Variants in NKD1 observed in about 807,000 individuals in gnomAD.
The protein encoded by NKD1 is NKD inhibitor of Wnt signaling pathway 1, also known as protein naked cuticle homolog 1.
A neutral mutation model predicts 56.0 loss-of-function variants in NKD1; 21 were observed. The ratio of observed to expected loss-of-function variants is 0.38; its 90% confidence interval spans 0.27 to 0.54. NKD1 has a LOEUF of 0.54. Among genes scored for constraint, NKD1 ranks in the 20% least tolerant of loss-of-function variants. The pLI is 0.82. For synonymous variants in NKD1, 263 were observed against 265.7 expected (o/e 0.99, Z 0.10); for missense variants, 578 against 642.7 (o/e 0.90, Z 1.09).
At chr16:50,612,695 G>A (rs946847365) in intron 4 of NKD1, among the ~76,000 whole-genome samples, 2 of 152,182 alleles carry the variant, frequency 1.3e-5, no homozygotes, top group African/African-American at 2.4e-5. Context: ...GGGGAGAGCA[G>A]CTATGAGTGA....
intron 4 of NKD1, chr16:50,616,217 T>C: frequency 5.4e-6 from 2 of 367,310 alleles, no homozygotes; most frequent in Admixed American, 5.7e-5. Flanking sequence ...TCTTACATTG[T>C]ATTCACTGAG....
intron 3 of NKD1, chr16:50,570,842 A>G (rs906841155): frequency 3.0e-6 from 3 of 985,434 alleles, no homozygotes; most frequent in Non-Finnish European, 3.6e-6. Context: ...GGAGTGCGGT[A>G]ACATCTGTAC....
chr16:50,600,366 C>T (rs893953703), intron 3 of NKD1, among the ~76,000 whole-genome samples: 3 of 151,694 alleles, frequency 2.0e-5, no homozygotes, highest in African/African-American at 7.3e-5. Flanking sequence ...GTCGCAGATA[C>T]TCAGGAGAGT....
chr16:50,568,520 A>G (rs1960813156), intron 3 of NKD1, among the ~76,000 whole-genome samples: 1 of 152,170 alleles, frequency 6.6e-6, no homozygotes, highest in Admixed American at 6.5e-5. Context: ...GCGCTTCCTC[A>G]TTTATTCAGT....
chr16:50,628,655 G>A (rs1446953456), intron 6 of NKD1, among the ~76,000 whole-genome samples: 2 of 152,192 alleles, frequency 1.3e-5, no homozygotes, highest in African/African-American at 2.4e-5. Flanking sequence ...GACATTGTAT[G>A]GACACCCCTG....
rs749352852 is a variant in NKD1 at position 50,634,717 on chromosome 16, T to G, written c.*936T>G. ...TATGTATCTTTCTATAAATATACAC[T>G]CTCAGGTATCTTTTCTGGTGTGTAT... On this transcript the variant is annotated 3_prime_UTR_variant, in exon 10 of 10. Coordinates refer to ENST00000268459, the MANE Select transcript of NKD1 (RefSeq NM_033119.5). The G allele has an allele frequency of 2.0e-5, 3 of 152,358 alleles. No individual in the cohort carries two copies. The highest frequency in any genetic ancestry group is 4.4e-5 in the Non-Finnish European group (3 of 68,044). The allele number at this position is 152,358 out of a possible 1,614,324, so 9.4% of individuals were successfully genotyped here.
chr16:50,606,719 G>C (rs765399883), intron 3 of NKD1: 1 of 440,776 alleles, frequency 2.3e-6, no homozygotes, highest in Non-Finnish European at 4.7e-6. Flanking sequence ...GTGCAGTCAG[G>C]GTGGCAGGCG....
At chr16:50,557,792 T>TA (rs1162848118) in intron 3 of NKD1, 1 of 152,270 alleles carries the variant, frequency 6.6e-6, no homozygotes, top group Non-Finnish European at 1.5e-5. Context: ...AGTTAACTGT[T>TA]AAAGTTATAA....
At chr16:50,608,457 A>C in intron 4 of NKD1, 97 bp downstream of exon 4, 2 of 625,382 alleles carry the variant, frequency 3.2e-6, no homozygotes, top group South Asian at 1.4e-5. Context: ...AAATCTGCAG[A>C]TGGAGGGCAC....
chr16:50,557,103 A>T (rs1960520199), intron 3 of NKD1: 1 of 152,138 alleles, frequency 6.6e-6, no homozygotes, highest in Non-Finnish European at 1.5e-5. Flanking sequence ...TAGGCCAGGG[A>T]CACCTGTGCT....
At chr16:50,574,054 T>A in intron 3 of NKD1, 1 of 850,202 alleles carries the variant, frequency 1.2e-6, no homozygotes, top group Non-Finnish European at 1.4e-6. Flanking sequence ...TTTGAAATAG[T>A]CTCACTCCCG....
chr16:50,630,935 C>T, intron 8 of NKD1, 25 bp downstream of exon 8: 1 of 1,538,770 alleles, frequency 6.5e-7, no homozygotes. Context: ...TGCACATGAG[C>T]ATATGTTGAG....
At chr16:50,613,027 G>C (rs1596743176) in intron 4 of NKD1, among the ~76,000 whole-genome samples, 1 of 152,266 alleles carries the variant, frequency 6.6e-6, no homozygotes, top group African/African-American at 2.4e-5. Flanking sequence ...CCATGGGGCT[G>C]GAGGTTGGAG....
intron 4 of NKD1, among the ~76,000 whole-genome samples, chr16:50,610,941 G>A (rs561169813): frequency 2.0e-4 from 31 of 152,264 alleles, no homozygotes; most frequent in Admixed American, 2.0e-3. Flanking sequence ...TGAGGCTTTC[G>A]TGGGGAGAAG....
At chr16:50,599,195 GA>G (rs774197539) in intron 3 of NKD1, among the ~76,000 whole-genome samples, 38 of 152,150 alleles carry the variant, frequency 2.5e-4, no homozygotes, top group Admixed American at 2.0e-4. Flanking sequence ...GCATGTGAGG[GA>G]AGAGAATGAA....
At chr16:50,558,828 G>C (rs2151263216) in intron 3 of NKD1, 1 of 152,154 alleles carries the variant, frequency 6.6e-6, no homozygotes, top group Admixed American at 6.5e-5. Flanking sequence ...AGAATTCCTT[G>C]AACCCGGGAG....
intron 3 of NKD1, among the ~76,000 whole-genome samples, chr16:50,592,739 G>A (rs1421490377): frequency 6.6e-6 from 1 of 151,796 alleles, no homozygotes; most frequent in Non-Finnish European, 1.5e-5. Flanking sequence ...GCGAGAAGCA[G>A]CGAGTAGGGG....
intron 4 of NKD1, among the ~76,000 whole-genome samples, chr16:50,621,387 G>A (rs1475860397): frequency 6.6e-6 from 1 of 152,240 alleles, no homozygotes; most frequent in Non-Finnish European, 1.5e-5. Flanking sequence ...CCCCCACGGT[G>A]CAAGTGGGTG....
In NKD1 at chr16:50,647,138, GGTGGT is replaced by G. The variant is rs1962696051; in HGVS notation, c.*13363_*13367del. ...GTCATACTAGAAGACATGATGGGAT[GGTGGT>G]GTGGTCTCTGTAGTTGACCCCATCA... On this transcript the variant is annotated 3_prime_UTR_variant, in exon 10 of 10. Coordinates refer to ENST00000268459, the MANE Select transcript of NKD1 (RefSeq NM_033119.5). 1 of 152,212 alleles carries G rather than the reference GGTGGT, an allele frequency of 6.6e-6. No homozygotes were observed. The highest frequency in any genetic ancestry group is 1.5e-5 in the Non-Finnish European group (1 of 68,036). The allele number at this position is 152,212 out of a possible 1,614,324, so 9.4% of individuals were successfully genotyped here.
Sources: gnomAD v4.1 joint callset for allele counts (sites outside exome capture counted in the v4.1 genomes callset) on GRCh38, gnomAD v4.1.1 for gene constraint, MANE v1.5 for transcripts, NCBI Gene and HGNC (gene_info 2026-07-23, HGNC 2026-07-21) for gene names.